The following ATP8A2 variants were observed in gnomAD, a reference collection of about 807,000 sequenced individuals.
ATP8A2 encodes the protein ATPase phospholipid transporting 8A2, also known as phospholipid-transporting ATPase IB.
ATP8A2 carries 100 observed loss-of-function variants against 165.6 expected under a neutral mutation model. The observed-to-expected ratio is 0.60, with a 90% CI of 0.51 to 0.71. The LOEUF is 0.71. ATP8A2 is among the 30% of genes least tolerant of loss of function. The pLI is 0.00. For missense variants in ATP8A2, 1,227 were observed against 1,479.5 expected, an observed-to-expected ratio of 0.83 and a Z score of 2.80; for synonymous variants, 543 against 548.8, an observed-to-expected ratio of 0.99 and a Z score of 0.15.
At chr13:26,011,589 C>T (rs1406815188) in intron 35 of ATP8A2, among the ~76,000 whole-genome samples, 1 of 152,158 alleles carries the variant, frequency 6.6e-6, no homozygotes, top group Non-Finnish European at 1.5e-5. Flanking sequence ...TAGTAAAAAT[C>T]AAAGCACTTT....
intron 1 of ATP8A2, among the ~76,000 whole-genome samples, chr13:25,428,071 C>T (rs1218315079): frequency 6.6e-6 from 1 of 152,038 alleles, no homozygotes; most frequent in Non-Finnish European, 1.5e-5. Flanking sequence ...GTAGTCCCAG[C>T]TACTCAGCAG....
chr13:25,591,056 C>A (rs1349482017), intron 24 of ATP8A2, among the ~76,000 whole-genome samples: 1 of 152,104 alleles, frequency 6.6e-6, no homozygotes, highest in Non-Finnish European at 1.5e-5. Flanking sequence ...AATCTCTCCT[C>A]TACCCAAGTG....
intron 1 of ATP8A2, among the ~76,000 whole-genome samples, chr13:25,439,965 C>CT (rs1366484443): frequency 6.6e-6 from 1 of 151,908 alleles, no homozygotes. Flanking sequence ...TCACTGCAGG[C>CT]TATGGAGTTT....
intron 35 of ATP8A2, among the ~76,000 whole-genome samples, chr13:25,977,026 TCCACCC>T (rs754948605): frequency 1.6e-5 from 2 of 125,368 alleles, no homozygotes; most frequent in African/African-American, 3.2e-5. Flanking sequence ...GACCTTGTGA[TCCACCC>T]CCACCCCCAC....
chr13:25,861,921 A>T (rs953530781), intron 32 of ATP8A2, among the ~76,000 whole-genome samples: 2 of 152,184 alleles, frequency 1.3e-5, no homozygotes, highest in African/African-American at 4.8e-5. Flanking sequence ...AAAACATCTT[A>T]TTTATTTTGT....
intron 10 of ATP8A2, among the ~76,000 whole-genome samples, chr13:25,545,224 TG>T (rs2038609956): frequency 6.6e-6 from 1 of 151,744 alleles, no homozygotes; most frequent in African/African-American, 2.4e-5. Flanking sequence ...GCTAGAAAAA[TG>T]AAGAGTTGGT....
At chr13:25,463,030 G>A (rs1387733980) in intron 1 of ATP8A2, among the ~76,000 whole-genome samples, 2 of 152,034 alleles carry the variant, frequency 1.3e-5, no homozygotes, top group African/African-American at 2.4e-5. Flanking sequence ...TTGGGAGGAA[G>A]ACGAGGGTGG....
chr13:25,599,115 TTC>T (rs2040314001), intron 24 of ATP8A2, among the ~76,000 whole-genome samples: 1 of 152,218 alleles, frequency 6.6e-6, no homozygotes, highest in Non-Finnish European at 1.5e-5. Flanking sequence ...TTTTAGGGTT[TTC>T]TTTCCCCAAA....
chr13:25,913,172 G>A (rs1187275906), intron 33 of ATP8A2, among the ~76,000 whole-genome samples: 1 of 152,140 alleles, frequency 6.6e-6, no homozygotes, highest in African/African-American at 2.4e-5. Flanking sequence ...CCCCAGGATC[G>A]CATAGCCAGG....
intron 2 of ATP8A2, among the ~76,000 whole-genome samples, chr13:25,521,386 C>T (rs2037667285): frequency 6.6e-6 from 1 of 151,938 alleles, no homozygotes; most frequent in Admixed American, 6.6e-5. Flanking sequence ...TTGATGTAAC[C>T]TTATTTGTCT....
At chr13:25,938,717 A>G (rs1280488515) in intron 33 of ATP8A2, among the ~76,000 whole-genome samples, 1 of 152,192 alleles carries the variant, frequency 6.6e-6, no homozygotes, top group Non-Finnish European at 1.5e-5. Flanking sequence ...TGTTCTCCAG[A>G]GGGGCTAGGA....
intron 33 of ATP8A2, among the ~76,000 whole-genome samples, chr13:25,952,260 G>C (rs1955387652): frequency 6.6e-6 from 1 of 152,156 alleles, no homozygotes; most frequent in African/African-American, 2.4e-5. Context: ...GGGAGAGAGT[G>C]GGCATGAATG....
At chr13:25,768,005 CG>C (rs1379134252) in intron 25 of ATP8A2, among the ~76,000 whole-genome samples, 1 of 136,988 alleles carries the variant, frequency 7.3e-6, no homozygotes, top group Non-Finnish European at 1.5e-5. Context: ...CATATGTGGG[CG>C]TGGCCAGTAG....
chr13:25,590,390 T>A (rs1238579598), intron 24 of ATP8A2, among the ~76,000 whole-genome samples: 8 of 152,150 alleles, frequency 5.3e-5, no homozygotes, highest in Non-Finnish European at 1.0e-4. Flanking sequence ...GTGCCACTGC[T>A]TTCCAAGCTG....
At chr13:25,391,845 A>G (rs1309025722) in intron 1 of ATP8A2, among the ~76,000 whole-genome samples, 1 of 152,204 alleles carries the variant, frequency 6.6e-6, no homozygotes, top group African/African-American at 2.4e-5. Flanking sequence ...GTTCAGGGAA[A>G]ATCTCAGCAT....
At chr13:26,009,609 T>C (rs1350856575) in intron 35 of ATP8A2, among the ~76,000 whole-genome samples, 1 of 152,052 alleles carries the variant, frequency 6.6e-6, no homozygotes, top group East Asian at 1.9e-4. Context: ...TGGGTGGTCA[T>C]TGAGCAGGGA....
intron 33 of ATP8A2, among the ~76,000 whole-genome samples, chr13:25,920,951 T>A (rs888494851): frequency 6.6e-6 from 1 of 152,050 alleles, no homozygotes; most frequent in Non-Finnish European, 1.5e-5. Context: ...TCGCCTATAG[T>A]TCTGGCTACT....
At chr13:25,711,599 A>ATG (rs1423500692) in intron 25 of ATP8A2, among the ~76,000 whole-genome samples, 33 of 152,288 alleles carry the variant, frequency 2.2e-4, no homozygotes, top group African/African-American at 7.7e-4. Flanking sequence ...GGAGAAGGCA[A>ATG]CACTATGGAG....
At chr13:25,731,435 GA>G (rs2043641893) in intron 25 of ATP8A2, among the ~76,000 whole-genome samples, 1 of 152,022 alleles carries the variant, frequency 6.6e-6, no homozygotes, top group South Asian at 2.1e-4. Flanking sequence ...TAAAGATAAG[GA>G]TTAAAGCCAT....
Sources: gnomAD v4.1 joint callset for allele counts (sites outside exome capture counted in the v4.1 genomes callset) on GRCh38, gnomAD v4.1.1 for gene constraint, MANE v1.5 for transcripts, NCBI Gene and HGNC (gene_info 2026-07-23, HGNC 2026-07-21) for gene names.